The following ADAMTSL3 variants were observed in gnomAD, a reference collection of about 807,000 sequenced individuals.
ADAMTSL3 encodes ADAMTS-like protein 3.
In ADAMTSL3, 128 loss-of-function variants were observed where a neutral mutation model predicts 201.7. That is an observed-to-expected ratio of 0.63 (90% CI 0.55 to 0.73). The LOEUF (loss-of-function observed/expected upper bound fraction) is 0.73, where lower values mean the gene tolerates loss of function less well. Among genes scored for constraint, ADAMTSL3 ranks in the 30% least tolerant of loss-of-function variants. The pLI, the probability that ADAMTSL3 is intolerant of heterozygous loss-of-function variation, is 0.00. For missense variants in ADAMTSL3, 1,990 were observed against 2,119.6 expected (o/e 0.94, Z 1.20); for synonymous variants, 738 against 748.4 (o/e 0.99, Z 0.23).
chr15:83,880,349 A>G (rs1381922254), intron 9 of ADAMTSL3, among the ~76,000 whole-genome samples: 1 of 152,182 alleles, frequency 6.6e-6, no homozygotes, highest in Admixed American at 6.5e-5. Flanking sequence ...TTCAGGGATC[A>G]GCAGATTACG....
intron 22 of ADAMTSL3, among the ~76,000 whole-genome samples, chr15:83,989,865 C>T (rs2067552152): frequency 6.6e-6 from 1 of 152,154 alleles, no homozygotes; most frequent in South Asian, 2.1e-4. Flanking sequence ...ATTAATTAAA[C>T]GTTAACTTTG....
chr15:83,926,834 C>T (rs2066255886), intron 17 of ADAMTSL3, among the ~76,000 whole-genome samples: 1 of 152,156 alleles, frequency 6.6e-6, no homozygotes. Context: ...CTAGGCTGGT[C>T]TCAAACTCCT....
At chr15:83,887,318 C>A (rs527398183) in intron 10 of ADAMTSL3, among the ~76,000 whole-genome samples, 2 of 152,274 alleles carry the variant, frequency 1.3e-5, no homozygotes, top group South Asian at 4.1e-4. Flanking sequence ...GGCATTTATT[C>A]AACTTAAATA....
chr15:83,761,373 A>T (rs2062806648), intron 3 of ADAMTSL3, among the ~76,000 whole-genome samples: 1 of 152,066 alleles, frequency 6.6e-6, no homozygotes, highest in South Asian at 2.1e-4. Flanking sequence ...CTTTTAATTT[A>T]CCTACGTTTA....
At chr15:83,949,566 G>T (rs977893678) in intron 19 of ADAMTSL3, among the ~76,000 whole-genome samples, 1 of 151,914 alleles carries the variant, frequency 6.6e-6, no homozygotes, top group African/African-American at 2.4e-5. Flanking sequence ...TCTATTTTTA[G>T]TTTTTTGAGG....
chr15:83,899,136 A>G (rs1172888992), intron 14 of ADAMTSL3, among the ~76,000 whole-genome samples: 2 of 152,200 alleles, frequency 1.3e-5, no homozygotes, highest in African/African-American at 2.4e-5. Context: ...TTGTTCCTCC[A>G]TGCCAGATGT....
rs958639484 is a variant in ADAMTSL3, at chr15:83,654,602, C to T, written c.-34+326C>T. 6.6e-6 allele frequency among the ~76,000 whole-genome samples: 1 copy of T among 152,132 alleles called. No homozygotes were observed. Among genetic ancestry groups the T allele is most frequent in the African/African-American group, 2.4e-5 (1 of 41,460 alleles). ...AGGATTGGGAGTTACTAAGCAGAAACCTCGCGGGTCCGAAGGTCCGGCCGG... is the reference window on the plus strand; with the variant it reads ...AGGATTGGGAGTTACTAAGCAGAAATCTCGCGGGTCCGAAGGTCCGGCCGG... On this transcript the variant is annotated intron_variant, in intron 1 of 29. Transcript: ENST00000286744. The surrounding 1 kb of genome is among the most constrained non-coding windows in gnomAD (Gnocchi z 5.3).
chr15:84,030,883 T>C (rs2068396965), intron 27 of ADAMTSL3, among the ~76,000 whole-genome samples: 1 of 152,122 alleles, frequency 6.6e-6, no homozygotes, highest in Non-Finnish European at 1.5e-5. Flanking sequence ...AGTGAGTGAG[T>C]TCTCACAAGA....
chr15:83,753,499 G>A (rs929871539), intron 3 of ADAMTSL3, among the ~76,000 whole-genome samples: 8 of 152,158 alleles, frequency 5.3e-5, no homozygotes, highest in Non-Finnish European at 8.8e-5. Context: ...TTTAAAGCCT[G>A]TGCCCCTAAA....
chr15:83,783,002 ATATT>A (rs2063200366), intron 4 of ADAMTSL3, among the ~76,000 whole-genome samples: 1 of 147,960 alleles, frequency 6.8e-6, no homozygotes, highest in Non-Finnish European at 1.5e-5. Context: ...ATACACATAT[ATATT>A]ATATATACAT....
In ADAMTSL3 at chr15:84,014,575, G is replaced by A; in HGVS notation, c.4007G>A (p.Arg1336Lys). 1 of 1,614,150 alleles carries A rather than the reference G, an allele frequency of 6.2e-7. No homozygotes were observed. Among genetic ancestry groups the A allele is most frequent in the South Asian group, 1.1e-5 (1 of 91,064 alleles). Residue 1336 changes from arginine (R) to lysine (K), a missense_variant, in exon 24 of 30, where the codon AGA (arginine) becomes AAA (lysine). Physicochemically the swap from Arg to Lys is conservative, Grantham distance 26 (BLOSUM62 2). Coordinates refer to ENST00000286744, the MANE Select transcript of ADAMTSL3 (RefSeq NM_207517.3). Reference sequence around the variant, plus strand: ...CAGCCTAATATAACTTGGTTGAAGAGAGGAGGATCTCTGAGTGGCAATGTT... The same window carrying A: ...CAGCCTAATATAACTTGGTTGAAGAAAGGAGGATCTCTGAGTGGCAATGTT... The part of the protein sequence containing the change: ...VPQPNITWLK[R>K]GGSLSGNVSL...
intron 27 of ADAMTSL3, among the ~76,000 whole-genome samples, chr15:84,030,034 C>G (rs960748543): frequency 1.3e-5 from 2 of 152,202 alleles, no homozygotes; most frequent in Non-Finnish European, 2.9e-5. Context: ...ATGGAAAACC[C>G]TAGATGTCCA....
intron 7 of ADAMTSL3, among the ~76,000 whole-genome samples, chr15:83,840,677 G>A (rs2064354976): frequency 6.6e-6 from 1 of 152,192 alleles, no homozygotes; most frequent in South Asian, 2.1e-4. Flanking sequence ...GTAGCTGTAA[G>A]GGCCTAGCTG....
intron 3 of ADAMTSL3, among the ~76,000 whole-genome samples, chr15:83,759,109 C>T (rs2141697475): frequency 6.6e-6 from 1 of 152,174 alleles, no homozygotes; most frequent in South Asian, 2.1e-4. Context: ...CACATCTTTC[C>T]TTTTTTTGTT....
Position 83,924,048 on chromosome 15 carries a change from G to A in ADAMTSL3, c.2117+15G>A. Reference sequence around the variant, plus strand: ...TGTCCCCCCAGGTATGTGCTGTCTTGTGTTCCTGGTATATACCGTGTCCGG... The same window carrying A: ...TGTCCCCCCAGGTATGTGCTGTCTTATGTTCCTGGTATATACCGTGTCCGG... On this transcript the variant is annotated intron_variant, in intron 17 of 29. Transcript: ENST00000286744. 1 of 1,613,778 alleles carries A rather than the reference G, an allele frequency of 6.2e-7. No homozygotes were observed. Among genetic ancestry groups the A allele is most frequent in the South Asian group, 1.1e-5 (1 of 91,038 alleles).
chr15:84,023,546 G>A (rs1339909287), intron 26 of ADAMTSL3, among the ~76,000 whole-genome samples: 2 of 152,142 alleles, frequency 1.3e-5, no homozygotes, highest in Non-Finnish European at 2.9e-5. Flanking sequence ...TTCTCAAAAG[G>A]AAGATCTCAT....
At chr15:83,768,375 G>A (rs1242093621) in intron 3 of ADAMTSL3, among the ~76,000 whole-genome samples, 1 of 152,100 alleles carries the variant, frequency 6.6e-6, no homozygotes, top group East Asian at 1.9e-4. Flanking sequence ...CAAATGGGCT[G>A]GCTGAAAAAC....
intron 26 of ADAMTSL3, among the ~76,000 whole-genome samples, chr15:84,022,012 C>T (rs1377793326): frequency 6.6e-6 from 1 of 152,200 alleles, no homozygotes; most frequent in Non-Finnish European, 1.5e-5. Flanking sequence ...GTTCTCTAGA[C>T]TTGATCCCTG....
chr15:83,700,534 C>T (rs925226216), intron 2 of ADAMTSL3, among the ~76,000 whole-genome samples: 1 of 152,170 alleles, frequency 6.6e-6, no homozygotes. Flanking sequence ...GAGGCCAAGG[C>T]GGGCAGGTCG....
Sources: allele counts gnomAD v4.1 joint callset (sites outside exome capture counted in the v4.1 genomes callset), GRCh38; gene constraint gnomAD v4.1.1; non-coding constraint Gnocchi (gnomAD v3.1); transcripts MANE v1.5; gene names NCBI Gene and HGNC (gene_info 2026-07-23, HGNC 2026-07-21).